LHFPL1: variants seen among roughly 807,000 people sequenced by gnomAD.
LHFPL1 encodes LHFPL tetraspan subfamily member 1.
A neutral mutation model predicts 12.1 loss-of-function variants in LHFPL1; 4 were observed. The ratio of observed to expected loss-of-function variants is 0.33; its 90% CI spans 0.16 to 0.76. LHFPL1 has a LOEUF of 0.76. Among genes scored for constraint, LHFPL1 ranks in the 30% least tolerant of loss-of-function variants. The probability of loss-of-function intolerance (pLI) is 0.61; values close to 1 mark genes in which losing one functional copy is unlikely to be tolerated. For synonymous variants in LHFPL1, 52 were observed against 61.9 expected, an observed-to-expected ratio of 0.84 and a Z score of 0.75; for missense variants, 141 against 174.1, an observed-to-expected ratio of 0.81 and a Z score of 1.07.
chrX:112,667,969 G>A (rs1206779490), intron 2 of LHFPL1, among the ~76,000 whole-genome samples: 5 of 110,885 alleles, frequency 4.5e-5, no homozygotes, highest in Non-Finnish European at 9.5e-5. Flanking sequence ...AGGGGAAGGG[G>A]GTAGTTCTTA....
chrX:112,675,977 A>G (rs975319475), intron 1 of LHFPL1, among the ~76,000 whole-genome samples: 5 of 112,315 alleles, frequency 4.5e-5, no homozygotes, highest in African/African-American at 1.6e-4. Flanking sequence ...CAGAGATCCA[A>G]TTACTTAATA....
chrX:112,646,506 A>T (rs1930693276), intron 3 of LHFPL1, among the ~76,000 whole-genome samples: 1 of 110,392 alleles, frequency 9.1e-6, no homozygotes, highest in South Asian at 4.0e-4. Context: ...GATAAACTGT[A>T]TATAATCTTA....
At chrX:112,676,387 C>A (rs922790737) in intron 1 of LHFPL1, among the ~76,000 whole-genome samples, 2 of 111,593 alleles carry the variant, frequency 1.8e-5, no homozygotes, top group Non-Finnish European at 3.8e-5. Context: ...GTAGAGTGGT[C>A]AAGTTACCAG....
At chrX:112,642,727 A>G (rs1222818657) in intron 3 of LHFPL1, among the ~76,000 whole-genome samples, 1 of 108,995 alleles carries the variant, frequency 9.2e-6, no homozygotes, top group Non-Finnish European at 1.9e-5. Flanking sequence ...TTAGTCACCA[A>G]CTACTCCAGG....
At chrX:112,673,954 G>A (rs1931583023) in intron 1 of LHFPL1, among the ~76,000 whole-genome samples, 1 of 111,740 alleles carries the variant, frequency 8.9e-6, no homozygotes, top group African/African-American at 3.3e-5. Context: ...AACTCCGAAT[G>A]TCCCTCATGG....
intron 1 of LHFPL1, among the ~76,000 whole-genome samples, chrX:112,674,224 T>C (rs1255658048): frequency 9.0e-6 from 1 of 111,723 alleles, no homozygotes; most frequent in African/African-American, 3.3e-5. Flanking sequence ...AGTGCTGGGA[T>C]AATTGGCTAG....
intron 3 of LHFPL1, among the ~76,000 whole-genome samples, chrX:112,637,657 CT>C (rs1930382849): frequency 8.9e-6 from 1 of 112,133 alleles, no homozygotes; most frequent in African/African-American, 3.2e-5. Flanking sequence ...TGAGGTAAGT[CT>C]GTCTTTTGAG....
At chrX:112,652,567 G>T (rs1008588301) in intron 3 of LHFPL1, among the ~76,000 whole-genome samples, 1 of 112,189 alleles carries the variant, frequency 8.9e-6, no homozygotes, top group Non-Finnish European at 1.9e-5. Context: ...TGATAGAAAA[G>T]TATGATGATG....
At position 112,671,266 on chromosome X, in the gene LHFPL1, A is replaced by T; in HGVS notation, c.125T>A (p.Val42Glu). 7 of 1,212,031 alleles carry T rather than the reference A, an allele frequency of 5.8e-6. No homozygotes were observed. Among genetic ancestry groups the T allele is most frequent in the Non-Finnish European group, 7.8e-6 (7 of 895,599 alleles). Residue 42 changes from valine to glutamate, a missense_variant, in exon 2 of 4, where the codon GTG (valine) becomes GAG (glutamate). Transcript: ENST00000371968. ...WLFGSQMGKP[V>E]SFSTFRRCNY... ...GCACCTCCGGAATGTGCTGAATGAC[A>T]CTGGCTTCCCCATCTGGGATCCAAA...
intron 1 of LHFPL1, among the ~76,000 whole-genome samples, chrX:112,676,792 A>G (rs922395309): frequency 1.8e-5 from 2 of 112,227 alleles, no homozygotes; most frequent in Admixed American, 9.4e-5. Flanking sequence ...CTCACCGTCA[A>G]TAAATAATTT....
At chrX:112,645,919 T>C (rs1003506645) in intron 3 of LHFPL1, among the ~76,000 whole-genome samples, 2 of 111,430 alleles carry the variant, frequency 1.8e-5, no homozygotes, top group African/African-American at 3.3e-5. Flanking sequence ...AAGAAACAGA[T>C]ACTGGGTTGC....
intron 3 of LHFPL1, among the ~76,000 whole-genome samples, chrX:112,656,734 T>C (rs1042431035): frequency 1.2e-4 from 13 of 112,693 alleles, no homozygotes; most frequent in African/African-American, 4.2e-4. Flanking sequence ...ACAGTGGGGT[T>C]ACATCCCAAC....
At chrX:112,674,616 A>G (rs182117570) in intron 1 of LHFPL1, among the ~76,000 whole-genome samples, 2 of 111,484 alleles carry the variant, frequency 1.8e-5, no homozygotes, top group East Asian at 5.6e-4. Context: ...CCCATCAGAA[A>G]GTAGGCTAAA....
rs2147711389 is a variant in LHFPL1, at chrX:112,652,116, T to C, written c.481+8511A>G. 1.8e-5 allele frequency among the ~76,000 whole-genome samples: 2 copies of C among 112,769 alleles called. 1 individual carries two copies. Among genetic ancestry groups the C allele is most frequent in the South Asian group, 7.3e-4 (2 of 2,756 alleles). On this transcript the variant is annotated intron_variant, in intron 3 of 3. Transcript: ENST00000371968. ...AAGCCTACCCACCCTTCAGGTTTCT[T>C]CTTAAATCTTACCTTCTTAGAGAGG...
intron 3 of LHFPL1, among the ~76,000 whole-genome samples, chrX:112,637,032 G>T (rs146542720): frequency 0.011 from 1,239 of 111,667 alleles, 19 homozygotes; most frequent in African/African-American, 0.038. Context: ...TGAGCTTTAT[G>T]CAAAGCTTCT....
chrX:112,674,873 T>C (rs1318111583), intron 1 of LHFPL1, among the ~76,000 whole-genome samples: 3 of 111,870 alleles, frequency 2.7e-5, no homozygotes, highest in Non-Finnish European at 5.6e-5. Flanking sequence ...TAGAAAACAG[T>C]GTGGAGATTC....
intron 3 of LHFPL1, among the ~76,000 whole-genome samples, chrX:112,641,692 A>G (rs958239766): frequency 8.9e-6 from 1 of 112,189 alleles, no homozygotes; most frequent in African/African-American, 3.2e-5. Context: ...TCTCAGCTCA[A>G]CACACTCCCA....
At chrX:112,662,140 A>G (rs1185629037) in intron 2 of LHFPL1, among the ~76,000 whole-genome samples, 2 of 112,575 alleles carry the variant, frequency 1.8e-5, no homozygotes, top group Non-Finnish European at 3.7e-5. Context: ...TTGCAACCAA[A>G]AGAGCCTAAT....
intron 2 of LHFPL1, among the ~76,000 whole-genome samples, chrX:112,663,161 T>C (rs1215339032): frequency 9.0e-6 from 1 of 111,564 alleles, no homozygotes; most frequent in East Asian, 2.8e-4. Context: ...AAGTCTTCCC[T>C]CGCTATCCCC....
Sources: allele counts gnomAD v4.1 joint callset (sites outside exome capture counted in the v4.1 genomes callset), GRCh38; gene constraint gnomAD v4.1.1; transcripts MANE v1.5; gene names NCBI Gene and HGNC (gene_info 2026-07-23, HGNC 2026-07-21).